Variants in IFIH1 observed in about 807,000 individuals in gnomAD.
The protein encoded by IFIH1 is interferon-induced helicase C domain-containing protein 1.
A neutral mutation model predicts 107.4 loss-of-function variants in IFIH1; 125 were observed. That is an observed-to-expected ratio of 1.16 (90% CI 1.01 to 1.35). The LOEUF (loss-of-function observed/expected upper bound fraction) is 1.35. Ranked by LOEUF, IFIH1 falls within the 40% of genes most tolerant of loss-of-function variation. The pLI is 0.00. For missense variants in IFIH1, 1,333 were observed against 1,213.7 expected, an observed-to-expected ratio of 1.10 and a Z score of -1.46; for synonymous variants, 458 against 413.2, an observed-to-expected ratio of 1.11 and a Z score of -1.31.
chr2:162,280,605 T>A (rs1347820073), intron 7 of IFIH1, among the ~76,000 whole-genome samples: 2 of 152,082 alleles, frequency 1.3e-5, no homozygotes. Context: ...TCCTTAGTCA[T>A]GTTCCTTGAT....
Position 162,279,976 on chromosome 2 carries a change from A to G in IFIH1, c.1641+20T>C, listed in dbSNP as rs1682776226. 8.2e-7 allele frequency: 1 copy of G among 1,223,536 alleles called. No individual in the cohort carries two copies. The highest frequency in any genetic ancestry group is 1.9e-4 in the Middle Eastern group (1 of 5,332). The allele number at this position is 1,223,536 out of a possible 1,614,324, so 75.8% of individuals were successfully genotyped here. Reference sequence around the variant, plus strand: ...AATGTAGTATTGTCAATCAATAGATATAAAACATTAAGCCCATACTTCTCT... The same window carrying G: ...AATGTAGTATTGTCAATCAATAGATGTAAAACATTAAGCCCATACTTCTCT... On this transcript the variant is annotated intron_variant, in intron 8 of 15. Transcript: ENST00000649979.
At chr2:162,316,050 T>C (rs1027863700) in intron 1 of IFIH1, among the ~76,000 whole-genome samples, 19 of 152,204 alleles carry the variant, frequency 1.2e-4, no homozygotes, top group Non-Finnish European at 2.4e-4. Flanking sequence ...TCAAATCCCT[T>C]GCATTACTGC....
At chr2:162,311,721 T>G (rs1370264408) in intron 1 of IFIH1, among the ~76,000 whole-genome samples, 2 of 152,088 alleles carry the variant, frequency 1.3e-5, no homozygotes, top group African/African-American at 4.8e-5. Flanking sequence ...GAGGAAAGAG[T>G]AACTCAAGCC....
At chr2:162,313,339 C>G (rs890176153) in intron 1 of IFIH1, among the ~76,000 whole-genome samples, 2 of 152,156 alleles carry the variant, frequency 1.3e-5, no homozygotes, top group African/African-American at 4.8e-5. Context: ...AGTCATAAAA[C>G]AATTCTCACC....
At chr2:162,313,309 T>C (rs1457643999) in intron 1 of IFIH1, among the ~76,000 whole-genome samples, 1 of 152,210 alleles carries the variant, frequency 6.6e-6, no homozygotes, top group Non-Finnish European at 1.5e-5. Context: ...AGGTGAATAT[T>C]TACATTTGAG....
At position 162,267,350 on chromosome 2, in the gene IFIH1, G is replaced by T; in HGVS notation, c.2928C>A (p.Gly976=). The T allele has an allele frequency of 1.2e-6, 2 of 1,613,540 alleles. No individual in the cohort carries two copies. Among genetic ancestry groups the T allele is most frequent in the Non-Finnish European group, 1.7e-6 (2 of 1,179,874 alleles). The change falls in exon 16 of 16, where the codon GGC becomes GGA. Residue 976 remains glycine (G), a synonymous_variant. Coordinates refer to ENST00000649979, the MANE Select transcript of IFIH1 (RefSeq NM_022168.4). The part of the protein sequence containing the change: ...QAWGTMMVHK[G]LDLPCLKIRN... ...TTATTTTGAGACAAGGCAAATCTAA[G>T]CCTTTGTGCACCATCATTGTTCCCC...
intron 2 of IFIH1, among the ~76,000 whole-genome samples, chr2:162,308,035 T>G (rs1209579778): frequency 6.6e-6 from 1 of 152,178 alleles, no homozygotes; most frequent in Non-Finnish European, 1.5e-5. Flanking sequence ...GGAAGGAGCC[T>G]GGATTTGATA....
At position 162,293,661 on chromosome 2, in the gene IFIH1, G is replaced by A; in HGVS notation, c.777C>T (p.Asp259=). ...TGACACTTCCTTCTGCCAAACTTGT[G>A]TCTGATTCTGCAAAGGAAAACATTT... ...FADSSVVSES[D]TSLAEGSVSC... The change falls in exon 4 of 16, where the codon GAC becomes GAT. Residue 259 remains aspartate (D), a synonymous_variant. Coordinates refer to ENST00000649979, the MANE Select transcript of IFIH1 (RefSeq NM_022168.4). 6.2e-7 allele frequency: 1 copy of A among 1,603,518 alleles called. No individual in the cohort carries two copies. Among genetic ancestry groups the A allele is most frequent in the Non-Finnish European group, 8.5e-7 (1 of 1,172,964 alleles).
chr2:162,293,532 T>C (rs754407630), intron 4 of IFIH1, 32 bp downstream of exon 4: 3 of 1,422,480 alleles, frequency 2.1e-6, no homozygotes, highest in Non-Finnish European at 3.0e-6. Context: ...TATTTCACAC[T>C]TTTTAAGGTT....
chr2:162,287,631 A>G (rs919393700), intron 5 of IFIH1, among the ~76,000 whole-genome samples: 43 of 152,000 alleles, frequency 2.8e-4, no homozygotes, highest in African/African-American at 1.0e-3. Context: ...CCAAACCTTC[A>G]CTTAATTTTA....
At chr2:162,275,984 A>G (rs115714004) in intron 11 of IFIH1, among the ~76,000 whole-genome samples, 2,547 of 152,300 alleles carry the variant, frequency 0.017, 76 homozygotes, top group African/African-American at 0.059. Flanking sequence ...TATATTTTGC[A>G]TAGTTCTAGT....
chr2:162,267,297 T>A lies in IFIH1; in HGVS notation c.2981A>T (p.Asn994Ile). 2.5e-6 allele frequency: 4 copies of A among 1,612,546 alleles called. No individual in the cohort carries two copies. The highest frequency in any genetic ancestry group is 3.4e-6 in the Non-Finnish European group (4 of 1,179,556). Residue 994 changes from asparagine (N) to isoleucine (I), a missense_variant, in exon 16 of 16, where the codon AAT becomes ATT. By Grantham distance (149) the Asn-to-Ile change is moderately radical. Coordinates refer to ENST00000649979, the MANE Select transcript of IFIH1 (RefSeq NM_022168.4). ...CTTTTTGTATTGTTTCTTTGTTGAA[T>A]TATTTTTGAAAACCACTACAAAATT... ...IRNFVVVFKN[N>I]STKKQYKKWV... is the part of the protein sequence containing the mutation.
rs1683537130 is a variant in IFIH1 at position 162,317,919 on chromosome 2, A to G, written c.389T>C (p.Leu130Pro). 5 of 1,613,744 alleles carry G rather than the reference A, an allele frequency of 3.1e-6. No homozygotes were observed. The highest frequency in any genetic ancestry group is 1.1e-5 in the South Asian group (1 of 91,040). Residue 130 changes from leucine to proline, a missense_variant, in exon 1 of 16, where the codon CTA (leucine) becomes CCA (proline). By Grantham distance (98) the Leu-to-Pro change is moderately conservative (BLOSUM62 -3). Coordinates refer to ENST00000649979, the MANE Select transcript of IFIH1 (RefSeq NM_022168.4). ...LLQPTLVDKL[L>P]VRDVLDKCME... is the part of the protein sequence containing the mutation. ...GCACTTATCCAAGACGTCTCTAACT[A>G]GAAGCTTGTCCACCAGAGTGGGCTG...
rs762510649 is a variant in IFIH1 at position 162,282,402 on chromosome 2, A to G, written c.1270T>C (p.Leu424=). The G allele has an allele frequency of 1.2e-5, 20 of 1,611,160 alleles. No homozygotes were observed. The highest frequency in any genetic ancestry group is 4.0e-5 in the African/African-American group (3 of 74,758). ...AQILENSLLN[L]ENGEDAGVQL... is the part of the protein sequence containing the mutation. ...ACACCAGCATCTTCTCCATTTTCCA[A>G]GTTTAAGAGGGAGTTTTCAAGGATT... Residue 424 remains leucine, a synonymous_variant, in exon 6 of 16, where the codon TTG becomes CTG. Transcript: ENST00000649979.
chr2:162,294,743 T>G (rs892525822), intron 3 of IFIH1, among the ~76,000 whole-genome samples: 4 of 151,820 alleles, frequency 2.6e-5, no homozygotes, highest in Admixed American at 6.6e-5. Context: ...ATGTTCTTCT[T>G]TTAATTAAAA....
At chr2:162,316,885 C>T (rs1683496818) in intron 1 of IFIH1, among the ~76,000 whole-genome samples, 1 of 152,262 alleles carries the variant, frequency 6.6e-6, no homozygotes, top group South Asian at 2.1e-4. Context: ...TTCGCCCTGT[C>T]AAAATGCTAC....
chr2:162,314,423 T>TCTTTCTTTCTTC (rs1683443569), intron 1 of IFIH1, among the ~76,000 whole-genome samples: 2 of 86,500 alleles, frequency 2.3e-5, no homozygotes, highest in Admixed American at 1.4e-4. Context: ...TTCTTTTCTT[T>TCTTTCTTTCTTC]CTTTCTTTCT....
At chr2:162,289,633 T>TTGAG (rs1384345981) in intron 4 of IFIH1, among the ~76,000 whole-genome samples, 1 of 151,964 alleles carries the variant, frequency 6.6e-6, no homozygotes, top group Admixed American at 6.6e-5. Flanking sequence ...ATAATTCTAT[T>TTGAG]TGAGTGAGTT....
chr2:162,301,770 T>A (rs2105221813), intron 3 of IFIH1, among the ~76,000 whole-genome samples: 1 of 152,342 alleles, frequency 6.6e-6, no homozygotes, highest in South Asian at 2.1e-4. Context: ...GTCTCTCTGA[T>A]GTTTCCTAGG....
Sources: gnomAD v4.1 joint callset for allele counts (sites outside exome capture counted in the v4.1 genomes callset) on GRCh38, gnomAD v4.1.1 for gene constraint, MANE v1.5 for transcripts, NCBI Gene and HGNC (gene_info 2026-07-23, HGNC 2026-07-21) for gene names.